Variants in CA5A observed in about 807,000 individuals in gnomAD.
CA5A encodes the protein carbonic anhydrase 5A, mitochondrial.
In CA5A, 28 loss-of-function variants were observed where a neutral mutation model predicts 37.1. That is an observed-to-expected ratio of 0.75 (90% CI 0.56 to 1.03). The LOEUF (loss-of-function observed/expected upper bound fraction) is 1.03, where lower values mean the gene tolerates loss of function less well. Among genes scored for constraint, CA5A ranks in the 50% least tolerant of loss-of-function variants. The pLI is 0.00. For synonymous variants in CA5A, 171 were observed against 158.4 expected, an observed-to-expected ratio of 1.08 and a Z score of -0.60; for missense variants, 444 against 399.9, an observed-to-expected ratio of 1.11 and a Z score of -0.94.
Position 87,926,728 on chromosome 16 carries a change from G to T in CA5A, c.340+20C>A. 1.9e-6 allele frequency: 3 copies of T among 1,598,234 alleles called. No homozygotes were observed. Among genetic ancestry groups the T allele is most frequent in the Middle Eastern group, 1.8e-4 (1 of 5,686 alleles). On this transcript the variant is annotated intron_variant, in intron 2 of 6. Coordinates refer to ENST00000649794, the MANE Select transcript of CA5A (RefSeq NM_001739.2). ...AACAACGGGAGAGGACAAAGCCCTCGAGCCCCAGCTGGCACTCACCTGATG... is the reference window on the plus strand; with the variant it reads ...AACAACGGGAGAGGACAAAGCCCTCTAGCCCCAGCTGGCACTCACCTGATG...
intron 1 of CA5A, among the ~76,000 whole-genome samples, chr16:87,932,261 C>T (rs1364728747): frequency 1.3e-5 from 2 of 152,168 alleles, no homozygotes; most frequent in Admixed American, 1.3e-4. Flanking sequence ...CTACACAGAC[C>T]TGAATGTAGA....
chr16:87,936,114 G>A (rs1051764134), intron 1 of CA5A, among the ~76,000 whole-genome samples, 195 bp downstream of exon 1: 2 of 150,920 alleles, frequency 1.3e-5, no homozygotes, highest in Non-Finnish European at 2.9e-5. Flanking sequence ...GGAGGTTGTG[G>A]TGAGCTGAGA....
chr16:87,932,926 G>A (rs1453581647), intron 1 of CA5A, among the ~76,000 whole-genome samples: 2 of 152,226 alleles, frequency 1.3e-5, no homozygotes, highest in African/African-American at 4.8e-5. Flanking sequence ...TAGCAGACAT[G>A]ACGTGAGCAG....
chr16:87,936,360 C>G lies in CA5A; in HGVS notation c.91G>C (p.Gly31Arg). Reference sequence around the variant, plus strand: ...CAGGAACGCTGAGAACACCATCGCCCTGGCCTCATCGAACGACTCCAGAGA... The same window carrying G: ...CAGGAACGCTGAGAACACCATCGCCGTGGCCTCATCGAACGACTCCAGAGA... Reference protein sequence around the residue: ...APLWSRSMRPGRWCSQRSCAW... With the variant: ...APLWSRSMRPRRWCSQRSCAW... The change falls in exon 1 of 7, where the codon GGG becomes CGG. Residue 31 changes from glycine (G) to arginine (R), a missense_variant. Gly to Arg is a moderately radical substitution (Grantham distance 125). Coordinates refer to ENST00000649794, the MANE Select transcript of CA5A (RefSeq NM_001739.2). 1.9e-6 allele frequency: 3 copies of G among 1,614,066 alleles called. No homozygotes were observed. The highest frequency in any genetic ancestry group is 2.5e-6 in the Non-Finnish European group (3 of 1,179,984).
At chr16:87,914,465 C>G (rs1280142137) in intron 2 of CA5A, among the ~76,000 whole-genome samples, 1 of 152,216 alleles carries the variant, frequency 6.6e-6, no homozygotes, top group Non-Finnish European at 1.5e-5. Context: ...CACGAGCTTG[C>G]AGTGCCGTTC....
At chr16:87,927,169 C>G (rs927936979) in intron 1 of CA5A, among the ~76,000 whole-genome samples, 1 of 152,258 alleles carries the variant, frequency 6.6e-6, no homozygotes, top group Non-Finnish European at 1.5e-5. Flanking sequence ...TCTTTCCCAC[C>G]CGGAAGCAAC....
At chr16:87,936,011 A>C (rs2056465822) in intron 1 of CA5A, among the ~76,000 whole-genome samples, 1 of 151,956 alleles carries the variant, frequency 6.6e-6, no homozygotes, top group South Asian at 2.1e-4. Context: ...TCTCTACTAA[A>C]AATACGAAAA....
In CA5A at chr16:87,924,821, G is replaced by A. The variant is rs554708325; in HGVS notation, c.340+1927C>T. Among the ~76,000 whole-genome samples the A allele has an allele frequency of 2.4e-4, 36 of 152,370 alleles. No homozygotes were observed. In the East Asian group the frequency reaches 6.4e-3, roughly 27 times the overall value. On this transcript the variant is annotated intron_variant, in intron 2 of 6. Transcript: ENST00000649794. ...GGTCCCGCTTGGATAACGCAGAAGC[G>A]TGGAAGCAGGTCCGGGCATGCTGGC... is the stretch of plus-strand genomic sequence containing the variant.
At chr16:87,894,204 C>T (rs1218986414) in intron 5 of CA5A, among the ~76,000 whole-genome samples, 1 of 152,040 alleles carries the variant, frequency 6.6e-6, no homozygotes, top group Non-Finnish European at 1.5e-5. Flanking sequence ...TCTCAGCTCA[C>T]GGTGGTTGGG....
rs1414773311 is a variant in CA5A, at chr16:87,914,220, G to A, written c.341-9316C>T. Among the ~76,000 whole-genome samples the A allele has an allele frequency of 2.6e-5, 4 of 152,224 alleles. No homozygotes were observed. The South Asian group carries it at 6.2e-4, about 24-fold the overall frequency. On this transcript the variant is annotated intron_variant, in intron 2 of 6. Transcript: ENST00000649794. ...TTGCCTGTGGCTTTGCAGGAGCTCCGAGCAGTGGCGAGAGGAAGTCACGGG... is the reference window on the plus strand; with the variant it reads ...TTGCCTGTGGCTTTGCAGGAGCTCCAAGCAGTGGCGAGAGGAAGTCACGGG...
intron 2 of CA5A, among the ~76,000 whole-genome samples, chr16:87,921,684 G>A (rs903032668): frequency 2.0e-5 from 3 of 152,130 alleles, no homozygotes; most frequent in African/African-American, 7.2e-5. Flanking sequence ...GTTGGACCCA[G>A]GAGGCAGGAG....
In CA5A at chr16:87,888,022, G is replaced by A. The variant is rs2055662484; in HGVS notation, c.*107C>T. 11 of 1,467,888 alleles carry A rather than the reference G, an allele frequency of 7.5e-6. No individual in the cohort carries two copies. The highest frequency in any genetic ancestry group is 1.0e-5 in the Non-Finnish European group (11 of 1,096,598). 90.9% of individuals were successfully genotyped at this position (1,467,888 alleles called of 1,614,324 possible). ...ACTTCGACTAAAACAATAACCTCAT[G>A]CTCTCTTTTTAATTTCAGAAGTCAT... On this transcript the variant is annotated 3_prime_UTR_variant, in exon 7 of 7. Transcript: ENST00000649794.
chr16:87,882,686 G>C (rs72816308), intron 4 of CA5A: 28,052 of 152,276 alleles, frequency 0.18, 2,750 homozygotes, highest in South Asian at 0.27. Context: ...ACCCGGGCCT[G>C]GTTCAGGAGC....
chr16:87,889,949 C>A (rs73236993), intron 6 of CA5A, among the ~76,000 whole-genome samples: 4,779 of 152,320 alleles, frequency 0.031, 260 homozygotes, highest in African/African-American at 0.11. Context: ...GATGATGCAG[C>A]GCCCCCTAGA....
At chr16:87,894,715 C>T in intron 5 of CA5A, among the ~76,000 whole-genome samples, 1 of 151,962 alleles carries the variant, frequency 6.6e-6, no homozygotes. Context: ...CCCATCTCTA[C>T]TAAAAATACA....
chr16:87,931,587 A>T (rs79484202), intron 1 of CA5A, among the ~76,000 whole-genome samples: 7,810 of 152,286 alleles, frequency 0.051, 298 homozygotes, highest in South Asian at 0.16. Context: ...GTAGAATCAC[A>T]GCAGCTTTGC....
At chr16:87,904,707 A>G (rs748655587) in intron 3 of CA5A, 79 bp downstream of exon 3, 27 of 878,414 alleles carry the variant, frequency 3.1e-5, no homozygotes, top group African/African-American at 9.9e-5. Context: ...AGCGGCGCGC[A>G]TGGCTTGTTC....
Position 87,893,142 on chromosome 16 carries a change from C to CTTT in CA5A, c.619-1191_619-1189dup. On this transcript the variant is annotated intron_variant, in intron 5 of 6. Transcript: ENST00000649794. Reference sequence around the variant, plus strand: ...TCTTTCTTCCTTTCTTTCTTTCTTTCTTTCTTTTTTTTTTCAGACAGAGTC... The same window carrying CTTT: ...TCTTTCTTCCTTTCTTTCTTTCTTTCTTTTTTCTTTTTTTTTTCAGACAGAGTC... The CTTT allele has an allele frequency of 1.0e-5, 5 of 478,158 alleles. No individual in the cohort carries two copies. In the South Asian group the frequency reaches 1.1e-4, roughly 10 times the overall value. 29.6% of individuals were successfully genotyped at this position (478,158 alleles called of 1,614,324 possible).
At chr16:87,923,932 A>G (rs2056265377) in intron 2 of CA5A, 1 of 985,200 alleles carries the variant, frequency 1.0e-6, no homozygotes, top group Non-Finnish European at 1.2e-6. Flanking sequence ...TGGTTTTTCA[A>G]TATTTTGAAG....
Sources: allele counts gnomAD v4.1 joint callset (sites outside exome capture counted in the v4.1 genomes callset), GRCh38; gene constraint gnomAD v4.1.1; transcripts MANE v1.5; gene names NCBI Gene and HGNC (gene_info 2026-07-23, HGNC 2026-07-21).